The following PXN variants were observed in gnomAD, a reference collection of about 807,000 sequenced individuals.
PXN encodes the protein testicular tissue protein Li 134.
A neutral mutation model predicts 103.6 loss-of-function variants in PXN; 61 were observed. That is an observed-to-expected ratio of 0.59 (90% CI 0.48 to 0.73). The LOEUF is 0.73. Among genes scored for constraint, PXN ranks in the 30% least tolerant of loss-of-function variants. The probability of loss-of-function intolerance (pLI) is 0.00; values close to 1 mark genes in which losing one functional copy is unlikely to be tolerated. For missense variants in PXN, 1,274 were observed against 1,460.3 expected, an observed-to-expected ratio of 0.87 and a Z score of 2.08; for synonymous variants, 562 against 607.8, an observed-to-expected ratio of 0.92 and a Z score of 1.11.
In PXN at chr12:120,216,466, G is replaced by A; in HGVS notation, c.2108C>T (p.Pro703Leu). The A allele has an allele frequency of 1.4e-6, 2 of 1,386,208 alleles. No homozygotes were observed. Among genetic ancestry groups the A allele is most frequent in the Non-Finnish European group, 1.9e-6 (2 of 1,079,758 alleles). The allele number at this position is 1,386,208 out of a possible 1,614,324, so 85.9% of individuals were successfully genotyped here. A position where few individuals can be genotyped will look rare whatever the true frequency, so the allele number is the denominator to read the frequency against. Reference protein sequence around the residue: ...RTDAAASSSSPLPSLLASSPL... With the variant: ...RTDAAASSSSLLPSLLASSPL... ...GGAGGAGGCGAGCAGGCTGGGCAGG[G>A]GAGAAGAGCTGCTGGCCGCGGCGTC... The change falls in exon 9 of 15, where the codon CCC becomes CTC. Residue 703 changes from proline (P) to leucine (L), a missense_variant. By Grantham distance (98) the Pro-to-Leu change is moderately conservative (BLOSUM62 -3). Coordinates refer to ENST00000637617, the MANE Select transcript of PXN (RefSeq NM_001385981.1). This position sits in a 1 kb window ranked among gnomAD's most constrained non-coding sequence, Gnocchi z 5.1.
chr12:120,265,508 CG>C lies in PXN; in HGVS notation c.13+108del. The C allele has an allele frequency of 8.1e-7, 1 of 1,229,988 alleles. No individual in the cohort carries two copies. Among genetic ancestry groups the C allele is most frequent in the Non-Finnish European group, 1.1e-6 (1 of 952,090 alleles). The allele number at this position is 1,229,988 out of a possible 1,614,324, so 76.2% of individuals were successfully genotyped here. ...GGCCGGCAGGGACAGGAGCTGAGGC[CG>C]GGGCCGCCGAGGGTGGGATCCCGCG... On this transcript the variant is annotated intron_variant, in intron 1 of 14. Transcript: ENST00000637617. This position sits in a 1 kb window ranked among gnomAD's most constrained non-coding sequence, Gnocchi z 5.7.
At chr12:120,264,003 T>C (rs1894284737) in intron 1 of PXN, among the ~76,000 whole-genome samples, 1 of 152,062 alleles carries the variant, frequency 6.6e-6, no homozygotes, top group African/African-American at 2.4e-5. Context: ...CCCAGCCTCC[T>C]TCCAGCTGAG....
chr12:120,220,519 G>A lies in PXN; in HGVS notation c.832-428C>T, dbSNP rs780757830. Among the ~76,000 whole-genome samples the A allele has an allele frequency of 7.9e-5, 12 of 152,164 alleles. No individual in the cohort carries two copies. Among genetic ancestry groups the A allele is most frequent in the Non-Finnish European group, 1.6e-4 (11 of 68,024 alleles). The stretch of plus-strand genomic sequence containing the variant: ...CAATCCCAGCTTTCCTACACCCCAA[G>A]TCCTCTACGTCTTCCACATCCTTGC... On this transcript the variant is annotated intron_variant, in intron 6 of 14. Transcript: ENST00000637617. The surrounding 1 kb of genome is among the most constrained non-coding windows in gnomAD (Gnocchi z 6.1).
At chr12:120,241,293 C>T (rs188916403) in intron 1 of PXN, among the ~76,000 whole-genome samples, 38 of 152,268 alleles carry the variant, frequency 2.5e-4, no homozygotes, top group African/African-American at 8.4e-4. Context: ...CCCAGGTGAT[C>T]AGAATTTCTG....
rs141529007 is a variant in PXN at position 120,265,063 on chromosome 12, G to A, written c.13+554C>T. Among the ~76,000 whole-genome samples the A allele has an allele frequency of 6.6e-6, 1 of 152,238 alleles. No individual in the cohort carries two copies. The highest frequency in any genetic ancestry group is 2.4e-5 in the African/African-American group (1 of 41,530). On this transcript the variant is annotated intron_variant, in intron 1 of 14. Coordinates refer to ENST00000637617, the MANE Select transcript of PXN (RefSeq NM_001385981.1). This position sits in a 1 kb window ranked among gnomAD's most constrained non-coding sequence, Gnocchi z 5.7. ...TTGCATCTGACTTGTGAAATGAAAGGGGTGGGCTCCGAGGGGTTATCCCTG... is the reference window on the plus strand; with the variant it reads ...TTGCATCTGACTTGTGAAATGAAAGAGGTGGGCTCCGAGGGGTTATCCCTG...
intron 1 of PXN, among the ~76,000 whole-genome samples, chr12:120,233,625 G>A (rs1269471574): frequency 6.6e-6 from 1 of 152,088 alleles, no homozygotes; most frequent in African/African-American, 2.4e-5. Flanking sequence ...CTCTTAGAGG[G>A]GCTTGAATGA....
rs750399923 is a variant in PXN at position 120,219,727 on chromosome 12, C to T, written c.1196G>A (p.Arg399His). The T allele has an allele frequency of 5.0e-6, 8 of 1,595,150 alleles. No homozygotes were observed. The highest frequency in any genetic ancestry group is 2.2e-5 in the East Asian group (1 of 44,742). The change falls in exon 7 of 15, where the codon CGC becomes CAC. Residue 399 changes from arginine (R) to histidine (H), a missense_variant. This residue lies in a region of PXN where 1,178 missense variants were observed against 1,309.0 expected (regional missense o/e 0.90). Transcript: ENST00000637617. This position sits in a 1 kb window ranked among gnomAD's most constrained non-coding sequence, Gnocchi z 6.5. Reference sequence around the variant, plus strand: ...CCCAGCACAGGGTACAGTGTGGCAGCGGGGAGCCCCAGAGAGCTCACTTGT... The same window carrying T: ...CCCAGCACAGGGTACAGTGTGGCAGTGGGGAGCCCCAGAGAGCTCACTTGT... ...TITSELSGAP[R>H]CHTVPCAGST...
In PXN at chr12:120,265,617, C is replaced by T. The variant is rs2136775319; in HGVS notation, c.13G>A (p.Asp5Asn). 2.0e-6 allele frequency: 3 copies of T among 1,485,758 alleles called. No individual in the cohort carries two copies. Among genetic ancestry groups the T allele is most frequent in the Admixed American group, 2.3e-5 (1 of 43,584 alleles). The allele number at this position is 1,485,758 out of a possible 1,614,324, so 92.0% of individuals were successfully genotyped here. Residue 5 changes from aspartate (D) to asparagine (N), a missense_variant and splice_region_variant, in exon 1 of 15, where the codon GAC becomes AAC. Asp to Asn is a conservative substitution (Grantham distance 23). Transcript: ENST00000637617. The surrounding 1 kb of genome is among the most constrained non-coding windows in gnomAD (Gnocchi z 5.7). ...CTCCCTCGGCCTCCCGCTCACTCAC[C>T]GAGGTCGTCCATGGCCGGACCACGG... MDDLDALLADLESTT... is the reference protein window; with the variant it reads MDDLNALLADLESTT...
chr12:120,230,617 C>T (rs1466916185), intron 1 of PXN, among the ~76,000 whole-genome samples: 8 of 152,224 alleles, frequency 5.3e-5, no homozygotes, highest in African/African-American at 1.2e-4. Context: ...AACGGGAAGG[C>T]GGGTCTCCCC....
chr12:120,227,210 T>C, intron 1 of PXN: 2 of 960,604 alleles, frequency 2.1e-6, no homozygotes, highest in Non-Finnish European at 2.5e-6. Flanking sequence ...TACAAAAAAT[T>C]TAAAAATTAG....
At chr12:120,248,599 G>A (rs1386113871) in intron 1 of PXN, 1 of 151,162 alleles carries the variant, frequency 6.6e-6, no homozygotes, top group Non-Finnish European at 1.5e-5. Flanking sequence ...CACCCTCATT[G>A]GCGAGCAGGA....
chr12:120,228,700 G>T lies in PXN; in HGVS notation c.14-4323C>A, dbSNP rs1474463899. Among the ~76,000 whole-genome samples, 1 of 152,180 alleles carries T rather than the reference G, an allele frequency of 6.6e-6. No individual in the cohort carries two copies. The highest frequency in any genetic ancestry group is 6.5e-5 in the Admixed American group (1 of 15,276). Reference sequence around the variant, plus strand: ...TAGTGGGAGGAACACAGGTAGCCTGGTATCACTTGAAGGCACAACCCAAGG... The same window carrying T: ...TAGTGGGAGGAACACAGGTAGCCTGTTATCACTTGAAGGCACAACCCAAGG... On this transcript the variant is annotated intron_variant, in intron 1 of 14. Transcript: ENST00000637617. This position sits in a 1 kb window ranked among gnomAD's most constrained non-coding sequence, Gnocchi z 4.7.
chr12:120,265,491 G>A lies in PXN; in HGVS notation c.13+126C>T. ...CAGCCCCGCGGAGCCCCGGCCGGCAGGGACAGGAGCTGAGGCCGGGGCCGC... is the reference window on the plus strand; with the variant it reads ...CAGCCCCGCGGAGCCCCGGCCGGCAAGGACAGGAGCTGAGGCCGGGGCCGC... On this transcript the variant is annotated intron_variant, in intron 1 of 14. Transcript: ENST00000637617. The surrounding 1 kb of genome is among the most constrained non-coding windows in gnomAD (Gnocchi z 5.7). The A allele has an allele frequency of 3.6e-6, 4 of 1,123,376 alleles. No homozygotes were observed. The highest frequency in any genetic ancestry group is 4.7e-6 in the Non-Finnish European group (4 of 852,514). 69.6% of individuals were successfully genotyped at this position (1,123,376 alleles called of 1,614,324 possible).
chr12:120,236,072 C>T (rs1888977852), intron 1 of PXN, among the ~76,000 whole-genome samples: 8 of 152,344 alleles, frequency 5.3e-5, no homozygotes, highest in Admixed American at 3.9e-4. Flanking sequence ...ATGTCTCACC[C>T]AAGCACTTTT....
At chr12:120,256,879 A>G (rs1223747695) in intron 1 of PXN, among the ~76,000 whole-genome samples, 1 of 151,972 alleles carries the variant, frequency 6.6e-6, no homozygotes, top group East Asian at 1.9e-4. Context: ...CACCACGCCC[A>G]GCTAATTTTG....
At position 120,228,953 on chromosome 12, in the gene PXN, C is replaced by T. The variant is rs1206166143; in HGVS notation, c.14-4576G>A. Among the ~76,000 whole-genome samples the T allele has an allele frequency of 1.3e-5, 2 of 152,222 alleles. No homozygotes were observed. The highest frequency in any genetic ancestry group is 4.8e-5 in the African/African-American group (2 of 41,464). ...GAGAGGAAGAAGCCCTTCCCTGGGC[C>T]TCAGCAACTGACTGAGCGTAATCCT... On this transcript the variant is annotated intron_variant, in intron 1 of 14. Transcript: ENST00000637617. This position sits in a 1 kb window ranked among gnomAD's most constrained non-coding sequence, Gnocchi z 4.7.
intron 1 of PXN, among the ~76,000 whole-genome samples, chr12:120,246,396 G>A (rs1420295954): frequency 3.3e-5 from 5 of 151,258 alleles, no homozygotes; most frequent in African/African-American, 7.3e-5. Context: ...GCATGGTAGC[G>A]CATGCCTGTT....
chr12:120,228,714 C>A lies in PXN; in HGVS notation c.14-4337G>T, dbSNP rs928373065. On this transcript the variant is annotated intron_variant, in intron 1 of 14. Transcript: ENST00000637617. This position sits in a 1 kb window ranked among gnomAD's most constrained non-coding sequence, Gnocchi z 4.7. Reference sequence around the variant, plus strand: ...CAGGTAGCCTGGTATCACTTGAAGGCACAACCCAAGGGTGACATGCAGGGC... The same window carrying A: ...CAGGTAGCCTGGTATCACTTGAAGGAACAACCCAAGGGTGACATGCAGGGC... Among the ~76,000 whole-genome samples the A allele has an allele frequency of 2.6e-5, 4 of 152,224 alleles. No individual in the cohort carries two copies. The highest frequency in any genetic ancestry group is 2.6e-4 in the Admixed American group (4 of 15,286).
intron 1 of PXN, among the ~76,000 whole-genome samples, chr12:120,240,592 G>A (rs1889972506): frequency 1.3e-5 from 2 of 152,158 alleles, no homozygotes; most frequent in African/African-American, 2.4e-5. Context: ...GCATCTGGAG[G>A]CCCCTGCATT....
Sources: gnomAD v4.1 joint callset for allele counts (sites outside exome capture counted in the v4.1 genomes callset) on GRCh38, gnomAD v4.1.1 for gene constraint, gnomAD v4.1.1 regional missense constraint, Gnocchi (gnomAD v3.1) non-coding constraint, MANE v1.5 for transcripts, NCBI Gene and HGNC (gene_info 2026-07-23, HGNC 2026-07-21) for gene names.